The following RIMS2 variants were observed in gnomAD, a reference collection of about 807,000 sequenced individuals.
The protein encoded by RIMS2 is regulating synaptic membrane exocytosis 2.
RIMS2 carries 59 observed loss-of-function variants against 174.4 expected under a neutral mutation model. That is an observed-to-expected ratio of 0.34 (90% CI 0.27 to 0.42). The LOEUF is 0.42. RIMS2 is among the 10% of genes least tolerant of loss of function. The pLI is 1.00. For synonymous variants in RIMS2, 606 were observed against 572.5 expected (o/e 1.06, Z -0.84); for missense variants, 1,620 against 1,666.3 (o/e 0.97, Z 0.48).
At chr8:103,563,295 C>T (rs982042171) in intron 1 of RIMS2, among the ~76,000 whole-genome samples, 2 of 152,186 alleles carry the variant, frequency 1.3e-5, no homozygotes, top group East Asian at 3.8e-4. Context: ...CCTTTAACAG[C>T]ACCCAAGTCA....
At chr8:103,772,462 T>C (rs1312390303) in intron 3 of RIMS2, among the ~76,000 whole-genome samples, 1 of 152,008 alleles carries the variant, frequency 6.6e-6, no homozygotes, top group Non-Finnish European at 1.5e-5. Flanking sequence ...TAACAAAATA[T>C]GTACAAGGTC....
At chr8:103,742,910 A>C (rs999918656) in intron 2 of RIMS2, among the ~76,000 whole-genome samples, 1 of 152,282 alleles carries the variant, frequency 6.6e-6, no homozygotes, top group South Asian at 2.1e-4. Flanking sequence ...TTAATGCTTT[A>C]TGAATTCTAA....
intron 1 of RIMS2, among the ~76,000 whole-genome samples, chr8:103,522,695 G>GTGCATTAGAAAAAAAAA (rs1563629599): frequency 6.6e-6 from 1 of 152,026 alleles, no homozygotes; most frequent in Non-Finnish European, 1.5e-5. Flanking sequence ...AAGAGTAATC[G>GTGCATTAGAAAAAAAAA]ATTATTTATA....
chr8:103,612,424 CT>C (rs2095401765), intron 1 of RIMS2, among the ~76,000 whole-genome samples: 1 of 152,152 alleles, frequency 6.6e-6, no homozygotes, highest in Non-Finnish European at 1.5e-5. Context: ...TTCTACCTGT[CT>C]TTCTTGAGAA....
At chr8:103,729,805 C>A (rs980676647) in intron 2 of RIMS2, among the ~76,000 whole-genome samples, 9 of 152,132 alleles carry the variant, frequency 5.9e-5, no homozygotes, top group Non-Finnish European at 8.8e-5. Context: ...CATTGGCCTA[C>A]AAGTCACTCA....
intron 19 of RIMS2, among the ~76,000 whole-genome samples, chr8:104,100,814 T>TTATATTATATATGTAATATATAATATATA (rs1555225237): frequency 9.2e-5 from 13 of 141,148 alleles, no homozygotes; most frequent in Non-Finnish European, 2.0e-4. Context: ...ATATTATATA[T>TTATATTATATATGTAATATATAATATATA]TATATTATAT....
chr8:103,702,581 G>T (rs1407647068), intron 2 of RIMS2, among the ~76,000 whole-genome samples: 1 of 152,052 alleles, frequency 6.6e-6, no homozygotes. Flanking sequence ...CTTTTGATTT[G>T]ATTTTTATAT....
At chr8:103,510,715 C>A (rs576414825) in intron 1 of RIMS2, among the ~76,000 whole-genome samples, 2 of 152,032 alleles carry the variant, frequency 1.3e-5, no homozygotes, top group Non-Finnish European at 1.5e-5. Context: ...TCTCTGCCCA[C>A]GACTAGGAAA....
chr8:103,871,756 G>A (rs895977107), intron 3 of RIMS2, among the ~76,000 whole-genome samples: 2 of 151,828 alleles, frequency 1.3e-5, no homozygotes, highest in African/African-American at 4.8e-5. Flanking sequence ...TGATTTTTGG[G>A]TGTCTTTAAA....
chr8:103,933,987 G>A (rs1457458629), intron 12 of RIMS2, among the ~76,000 whole-genome samples: 1 of 152,028 alleles, frequency 6.6e-6, no homozygotes, highest in East Asian at 1.9e-4. Flanking sequence ...TTTCAGTTAA[G>A]CCATGTGAAA....
chr8:104,002,545 A>G (rs922531423), intron 17 of RIMS2, among the ~76,000 whole-genome samples: 5 of 152,302 alleles, frequency 3.3e-5, no homozygotes, highest in South Asian at 2.1e-4. Flanking sequence ...TAGCATCAGT[A>G]TCTAAGTATT....
intron 2 of RIMS2, among the ~76,000 whole-genome samples, chr8:103,757,693 C>T (rs1293171834): frequency 6.6e-6 from 1 of 152,154 alleles, no homozygotes; most frequent in Admixed American, 6.6e-5. Context: ...CAGTAAAGAT[C>T]TTGAGATAGG....
At chr8:104,241,318 C>G (rs2099292373) in intron 19 of RIMS2, among the ~76,000 whole-genome samples, 1 of 151,984 alleles carries the variant, frequency 6.6e-6, no homozygotes, top group African/African-American at 2.4e-5. Context: ...CTTCTGGGGC[C>G]CTTAGATGCT....
intron 19 of RIMS2, among the ~76,000 whole-genome samples, chr8:104,115,933 A>C (rs1037759707): frequency 6.6e-6 from 1 of 152,182 alleles, no homozygotes; most frequent in African/African-American, 2.4e-5. Flanking sequence ...AGAGTATATC[A>C]GTGGGCCAGA....
intron 1 of RIMS2, among the ~76,000 whole-genome samples, chr8:103,568,416 C>G (rs961716037): frequency 6.6e-6 from 1 of 152,160 alleles, no homozygotes; most frequent in African/African-American, 2.4e-5. Flanking sequence ...TTAAAAGTAG[C>G]TAAAAAGGTA....
At chr8:103,766,363 C>A (rs1480231401) in exon 3 of RIMS2, 7 of 1,613,610 alleles carry the variant, frequency 4.3e-6, no homozygotes, top group African/African-American at 2.7e-5. Flanking sequence ...AATGAGGAGG[C>A]ACCTCAGGAG....
intron 19 of RIMS2, among the ~76,000 whole-genome samples, chr8:104,150,064 A>G (rs1288271285): frequency 6.6e-6 from 1 of 152,158 alleles, no homozygotes; most frequent in Non-Finnish European, 1.5e-5. Context: ...TACCTAATTA[A>G]CTATGTTGTG....
chr8:104,155,359 G>A (rs981905153), intron 19 of RIMS2, among the ~76,000 whole-genome samples: 119 of 149,648 alleles, frequency 8.0e-4, no homozygotes, highest in Non-Finnish European at 1.0e-3. Context: ...GCCCGCCTCG[G>A]CCTCCCAAAG....
At chr8:104,070,288 T>A (rs2097175059) in intron 19 of RIMS2, among the ~76,000 whole-genome samples, 1 of 152,166 alleles carries the variant, frequency 6.6e-6, no homozygotes, top group Non-Finnish European at 1.5e-5. Context: ...AAATTATTTA[T>A]CACAGAATTC....
Sources: gnomAD v4.1 joint callset for allele counts (sites outside exome capture counted in the v4.1 genomes callset) on GRCh38, gnomAD v4.1.1 for gene constraint, MANE v1.5 for transcripts, NCBI Gene and HGNC (gene_info 2026-07-23, HGNC 2026-07-21) for gene names.